Variants in RNLS observed in about 807,000 individuals in gnomAD.
RNLS encodes renalase.
RNLS carries 39 observed loss-of-function variants against 39.8 expected under a neutral mutation model. The ratio of observed to expected loss-of-function variants is 0.98; its 90% CI spans 0.76 to 1.28. The LOEUF (loss-of-function observed/expected upper bound fraction) is 1.28. RNLS is among the 50% of genes most tolerant of loss of function. The probability of loss-of-function intolerance (pLI) is 0.00; values close to 1 mark genes in which losing one functional copy is unlikely to be tolerated. For missense variants in RNLS, 410 were observed against 413.3 expected, an observed-to-expected ratio of 0.99 and a Z score of 0.07; for synonymous variants, 147 against 150.7, an observed-to-expected ratio of 0.98 and a Z score of 0.18.
At chr10:88,575,912 G>C (rs1172146881) in intron 3 of RNLS, among the ~76,000 whole-genome samples, 1 of 152,116 alleles carries the variant, frequency 6.6e-6, no homozygotes, top group Non-Finnish European at 1.5e-5. Flanking sequence ...CTACCGTCCA[G>C]TCATAATGAT....
At chr10:88,534,047 C>A (rs752072299) in intron 4 of RNLS, among the ~76,000 whole-genome samples, 1 of 151,812 alleles carries the variant, frequency 6.6e-6, no homozygotes, top group African/African-American at 2.4e-5. Flanking sequence ...AGAAGTAGAA[C>A]AAGGAGAGTT....
the RNLS span, among the ~76,000 whole-genome samples, chr10:88,187,149 T>TATATATATAATATATATATTATATATATA: frequency 1.5e-5 from 2 of 136,682 alleles, no homozygotes; most frequent in African/African-American, 5.4e-5. Context: ...TCAAAAAATA[T>TATATATATAATATATATATTATATATATA]ATATATATAA....
chr10:88,260,758 T>A, the RNLS span, among the ~76,000 whole-genome samples: 3 of 152,242 alleles, frequency 2.0e-5, no homozygotes, highest in South Asian at 2.1e-4. Context: ...TGACTTTTTT[T>A]AAAATAATAA....
chr10:88,285,412 A>G lies in RNLS; in HGVS notation c.971T>C (p.Phe324Ser). ...CGGDGFTQSN[F>S]DGCITSALCV... is the part of the protein sequence containing the mutation. Reference sequence around the variant, plus strand: ...TAGGGCAGAAGTGATGCAGCCATCAAAGTTGGACTGAGTAAATCCATCCCC... The same window carrying G: ...TAGGGCAGAAGTGATGCAGCCATCAGAGTTGGACTGAGTAAATCCATCCCC... Residue 324 changes from phenylalanine to serine, a missense_variant, in exon 7 of 7, where the codon TTT becomes TCT. Transcript: ENST00000331772. The G allele has an allele frequency of 6.2e-7, 1 of 1,613,202 alleles. No homozygotes were observed. The highest frequency in any genetic ancestry group is 8.5e-7 in the Non-Finnish European group (1 of 1,179,442).
At chr10:88,339,917 C>T (rs1049500529) in intron 5 of RNLS, among the ~76,000 whole-genome samples, 10 of 152,152 alleles carry the variant, frequency 6.6e-5, no homozygotes, top group African/African-American at 2.4e-4. Flanking sequence ...GAGGCAGATC[C>T]ATGGTTTCCC....
the RNLS span, among the ~76,000 whole-genome samples, chr10:88,257,317 A>G: frequency 2.6e-5 from 4 of 152,208 alleles, no homozygotes; most frequent in Admixed American, 2.0e-4. Flanking sequence ...GACTCTTACC[A>G]TGTCAGGAGA....
the RNLS span, among the ~76,000 whole-genome samples, chr10:88,252,187 C>A: frequency 7.9e-5 from 12 of 152,296 alleles, no homozygotes; most frequent in South Asian, 2.5e-3. Context: ...CTTGTCTCTT[C>A]TCCCTCTATC....
the RNLS span, among the ~76,000 whole-genome samples, chr10:88,268,389 C>T: frequency 6.6e-6 from 1 of 152,256 alleles, no homozygotes; most frequent in South Asian, 2.1e-4. Context: ...GATGTGCTAC[C>T]ATGCCAGATT....
At position 88,284,743 on chromosome 10, in the gene RNLS, C is replaced by A. The variant is rs1843153242; in HGVS notation, c.*611G>T. On this transcript the variant is annotated 3_prime_UTR_variant, in exon 7 of 7. Coordinates refer to ENST00000331772, the MANE Select transcript of RNLS (RefSeq NM_001031709.3). ...TGTGGCTGGGAAAATCATGTGGAAT[C>A]TTATACTTTCTGAAAATCTGAAGGA... is the stretch of plus-strand genomic sequence containing the variant. 1.0e-6 allele frequency: 1 copy of A among 985,172 alleles called. No individual in the cohort carries two copies. The highest frequency in any genetic ancestry group is 1.2e-6 in the Non-Finnish European group (1 of 829,902). 61.0% of individuals were successfully genotyped at this position (985,172 alleles called of 1,614,324 possible). A position where few individuals can be genotyped will look rare whatever the true frequency, so the allele number is the denominator to read the frequency against.
chr10:88,194,382 G>A, the RNLS span, among the ~76,000 whole-genome samples: 13 of 152,184 alleles, frequency 8.5e-5, no homozygotes, highest in African/African-American at 3.1e-4. Context: ...AAAAGCACTG[G>A]TCTAGAGGTC....
intron 4 of RNLS, among the ~76,000 whole-genome samples, chr10:88,385,430 G>C (rs542857272): frequency 6.6e-6 from 1 of 152,264 alleles, no homozygotes; most frequent in Non-Finnish European, 1.5e-5. Flanking sequence ...CTGGATGTCA[G>C]GTATTTCTAT....
chr10:88,416,235 T>A (rs1394001759), intron 4 of RNLS, among the ~76,000 whole-genome samples: 1 of 149,078 alleles, frequency 6.7e-6, no homozygotes, highest in African/African-American at 2.4e-5. Context: ...TATATATATA[T>A]AATTTTTATT....
chr10:88,551,683 CAA>C (rs113821413), intron 4 of RNLS, among the ~76,000 whole-genome samples: 3 of 140,310 alleles, frequency 2.1e-5, no homozygotes, highest in Non-Finnish European at 3.1e-5. Flanking sequence ...TGACTGGTTG[CAA>C]AAAAAAAAAG....
At chr10:88,260,534 T>C in the RNLS span, among the ~76,000 whole-genome samples, 2 of 152,246 alleles carry the variant, frequency 1.3e-5, no homozygotes, top group Non-Finnish European at 2.9e-5. Flanking sequence ...AATTTGAATG[T>C]GAACTCATTT....
At chr10:88,416,054 T>C (rs1854004857) in intron 4 of RNLS, among the ~76,000 whole-genome samples, 1 of 152,008 alleles carries the variant, frequency 6.6e-6, no homozygotes, top group Admixed American at 6.6e-5. Flanking sequence ...TCCATTCTTG[T>C]TTCTGTCCTA....
the RNLS span, among the ~76,000 whole-genome samples, chr10:88,178,479 A>G: frequency 6.6e-6 from 1 of 152,018 alleles, no homozygotes; most frequent in Admixed American, 6.5e-5. Context: ...GATTGTAGGT[A>G]TCTGTGGTGA....
intron 4 of RNLS, among the ~76,000 whole-genome samples, chr10:88,550,997 A>G (rs1274031773): frequency 6.6e-6 from 1 of 152,214 alleles, no homozygotes; most frequent in Non-Finnish European, 1.5e-5. Context: ...TAGTTTGTTC[A>G]GTTTTTCCAA....
chr10:88,415,263 A>G (rs1004915767), intron 4 of RNLS, among the ~76,000 whole-genome samples: 1 of 152,190 alleles, frequency 6.6e-6, no homozygotes, highest in Non-Finnish European at 1.5e-5. Flanking sequence ...CTCCCCAAAT[A>G]AACAATTGAT....
intron 4 of RNLS, among the ~76,000 whole-genome samples, chr10:88,428,490 A>T (rs185039830): frequency 6.6e-6 from 1 of 152,022 alleles, no homozygotes; most frequent in African/African-American, 2.4e-5. Context: ...AATCTGACTG[A>T]GACTGATAAG....
Sources: allele counts gnomAD v4.1 joint callset (sites outside exome capture counted in the v4.1 genomes callset), GRCh38; gene constraint gnomAD v4.1.1; transcripts MANE v1.5; gene names NCBI Gene and HGNC (gene_info 2026-07-23, HGNC 2026-07-21).